Variants in SNX27 observed in about 807,000 individuals in gnomAD.
The protein encoded by SNX27 is sorting nexin-27.
A neutral mutation model predicts 71.6 loss-of-function variants in SNX27; 22 were observed. The ratio of observed to expected loss-of-function variants is 0.31; its 90% confidence interval spans 0.22 to 0.44. The LOEUF (loss-of-function observed/expected upper bound fraction) is 0.44. SNX27 is among the 20% of genes least tolerant of loss of function. The pLI, the probability that SNX27 is intolerant of heterozygous loss-of-function variation, is 1.00. For missense variants in SNX27, 531 were observed against 698.6 expected (o/e 0.76, Z 2.70); for synonymous variants, 269 against 277.2 (o/e 0.97, Z 0.29).
chr1:151,619,420 C>A (rs1667570365), intron 1 of SNX27, among the ~76,000 whole-genome samples: 1 of 152,190 alleles, frequency 6.6e-6, no homozygotes, highest in African/African-American at 2.4e-5. Flanking sequence ...TCACCTTAGC[C>A]TTCCAGAAAG....
chr1:151,629,471 A>G (rs962917664), intron 1 of SNX27: 11 of 20,780 alleles, frequency 5.3e-4, no homozygotes, highest in Non-Finnish European at 2.9e-3. Context: ...GTATATATAC[A>G]TATATACGTA....
intron 7 of SNX27, among the ~76,000 whole-genome samples, chr1:151,672,107 C>A (rs182231412): frequency 6.6e-6 from 1 of 152,158 alleles, no homozygotes; most frequent in African/African-American, 2.4e-5. Flanking sequence ...TTCAGTTTCT[C>A]CCCATTCAGG....
intron 7 of SNX27, 82 bp from the exon 8 acceptor site, chr1:151,683,274 G>A: frequency 9.2e-7 from 1 of 1,088,084 alleles, no homozygotes; most frequent in Non-Finnish European, 1.3e-6. Flanking sequence ...TTCTGAAAAT[G>A]CGTCTGTGTC....
intron 2 of SNX27, among the ~76,000 whole-genome samples, chr1:151,655,132 A>G (rs889996261): frequency 8.6e-5 from 13 of 151,750 alleles, no homozygotes; most frequent in African/African-American, 3.1e-4. Flanking sequence ...CCTGGCATAC[A>G]GTTAAGCTAC....
intron 1 of SNX27, among the ~76,000 whole-genome samples, chr1:151,638,377 T>C (rs1207543957): frequency 6.6e-6 from 1 of 152,218 alleles, no homozygotes; most frequent in African/African-American, 2.4e-5. Context: ...TGGATGTAAA[T>C]GTAAAGGAAT....
rs370418916 is a variant in SNX27, at chr1:151,612,925, C to G, written c.311+413C>G. On this transcript the variant is annotated intron_variant, in intron 1 of 11. Transcript: ENST00000458013. The surrounding 1 kb of genome is among the most constrained non-coding windows in gnomAD (Gnocchi z 5.2). ...CTGATCCAGCCAGTACCGTGTCCCC[C>G]CCAAGTTCTCATCTTCAGCATCGCA... 3.9e-4 allele frequency among the ~76,000 whole-genome samples: 59 copies of G among 152,138 alleles called. No homozygotes were observed. The East Asian group carries it at 6.8e-3, about 18-fold the overall frequency.
intron 6 of SNX27, 42 bp from the exon 7 acceptor site, chr1:151,668,430 T>G (rs765827483): frequency 1.3e-6 from 2 of 1,577,902 alleles, no homozygotes; most frequent in South Asian, 2.3e-5. Context: ...AAGTTTCTTA[T>G]ATCTTTTCAC....
At chr1:151,673,760 C>T (rs1295441699) in intron 7 of SNX27, among the ~76,000 whole-genome samples, 2 of 152,160 alleles carry the variant, frequency 1.3e-5, no homozygotes, top group Non-Finnish European at 2.9e-5. Flanking sequence ...CATCCTCTTG[C>T]TGAACTGACC....
chr1:151,620,249 CT>C (rs1667610314), intron 1 of SNX27, among the ~76,000 whole-genome samples: 1 of 152,128 alleles, frequency 6.6e-6, no homozygotes, highest in Non-Finnish European at 1.5e-5. Flanking sequence ...GGATTTTTTT[CT>C]CTTTATGAGC....
chr1:151,650,430 T>G (rs1669271148), intron 2 of SNX27, among the ~76,000 whole-genome samples: 1 of 152,118 alleles, frequency 6.6e-6, no homozygotes, highest in Non-Finnish European at 1.5e-5. Context: ...TTTGATATCT[T>G]TTATTATTTT....
rs1167188770 is a variant in SNX27, at chr1:151,698,781, G to A, written c.*4364G>A. ...GGCACTTGGCCGCCTGCTAAACTTGGACATTAATTTTATATCATGACCCCC... is the reference window on the plus strand; with the variant it reads ...GGCACTTGGCCGCCTGCTAAACTTGAACATTAATTTTATATCATGACCCCC... On this transcript the variant is annotated 3_prime_UTR_variant, in exon 12 of 12. Transcript: ENST00000458013. 3.3e-5 allele frequency: 5 copies of A among 152,648 alleles called. No homozygotes were observed. Among genetic ancestry groups the A allele is most frequent in the African/African-American group, 1.2e-4 (5 of 41,452 alleles). 9.5% of individuals were successfully genotyped at this position (152,648 alleles called of 1,614,324 possible).
intron 2 of SNX27, among the ~76,000 whole-genome samples, chr1:151,648,996 T>C (rs1669199982): frequency 6.6e-6 from 1 of 151,988 alleles, no homozygotes; most frequent in Admixed American, 6.6e-5. Context: ...AGAGTCTTGC[T>C]CTGTTGCCCA....
In SNX27 at chr1:151,694,877, A is replaced by T. The variant is rs909836519; in HGVS notation, c.*460A>T. On this transcript the variant is annotated 3_prime_UTR_variant, in exon 12 of 12. Transcript: ENST00000458013. ...TTTTAAATTTCATATTGATGGCAGT[A>T]CCTTTTTTAGCTTGTGTTTTTACAC... 8 of 152,744 alleles carry T rather than the reference A, an allele frequency of 5.2e-5. No homozygotes were observed. The South Asian group carries it at 6.2e-4, about 12-fold the overall frequency. The allele number at this position is 152,744 out of a possible 1,614,324, so 9.5% of individuals were successfully genotyped here.
chr1:151,651,190 G>GC (rs1669327902), intron 2 of SNX27, among the ~76,000 whole-genome samples: 1 of 151,480 alleles, frequency 6.6e-6, no homozygotes, highest in Admixed American at 6.6e-5. Context: ...GGGCAGAGGC[G>GC]CCCCTCACCT....
intron 8 of SNX27, among the ~76,000 whole-genome samples, chr1:151,688,380 T>C (rs1017183626): frequency 1.3e-5 from 2 of 152,184 alleles, no homozygotes; most frequent in African/African-American, 4.8e-5. Context: ...ACGCCTGTAA[T>C]CCCAGCACTT....
Position 151,641,964 on chromosome 1 carries a change from G to T in SNX27, c.543+2845G>T, listed in dbSNP as rs544009010. ...ATATATCAGCTATAGATATATATGA[G>T]ATATATATATATCAGATATAGATAT... On this transcript the variant is annotated intron_variant, in intron 2 of 11. Transcript: ENST00000458013. Among the ~76,000 whole-genome samples the T allele has an allele frequency of 8.2e-3, 791 of 96,688 alleles. 28 individuals carry two copies. Among genetic ancestry groups the T allele is most frequent in the African/African-American group, 0.031 (733 of 23,776 alleles). The allele number at this position is 96,688 out of a possible 152,430, so 63.4% of individuals were successfully genotyped here.
chr1:151,612,722 C>T lies in SNX27; in HGVS notation c.311+210C>T, dbSNP rs1018908922. On this transcript the variant is annotated intron_variant, in intron 1 of 11. Transcript: ENST00000458013. The surrounding 1 kb of genome is among the most constrained non-coding windows in gnomAD (Gnocchi z 5.2). ...GGGCTTCTGCGACGCCGGTCTCCCA[C>T]CCCGTCGTCTCCAGCTGATGCCCTT... Among the ~76,000 whole-genome samples, 13 of 152,116 alleles carry T rather than the reference C, an allele frequency of 8.5e-5. No homozygotes were observed. Among genetic ancestry groups the T allele is most frequent in the African/African-American group, 3.1e-4 (13 of 41,426 alleles).
chr1:151,681,608 C>T (rs1371286670), intron 7 of SNX27, among the ~76,000 whole-genome samples: 1 of 152,146 alleles, frequency 6.6e-6, no homozygotes, highest in Non-Finnish European at 1.5e-5. Flanking sequence ...CTGGGAAATG[C>T]TTTCCACCTT....
chr1:151,675,147 A>C (rs1478337702), intron 7 of SNX27, among the ~76,000 whole-genome samples: 1 of 151,408 alleles, frequency 6.6e-6, no homozygotes, highest in African/African-American at 2.4e-5. Context: ...TAGGTAGGGA[A>C]TCCATTTTTT....
Sources: gnomAD v4.1 joint callset for allele counts (sites outside exome capture counted in the v4.1 genomes callset) on GRCh38, gnomAD v4.1.1 for gene constraint, Gnocchi (gnomAD v3.1) non-coding constraint, MANE v1.5 for transcripts, NCBI Gene and HGNC (gene_info 2026-07-23, HGNC 2026-07-21) for gene names.